The following C1QTNF3 variants were observed in gnomAD, a reference collection of about 807,000 sequenced individuals.
The protein encoded by C1QTNF3 is C1q and TNF related 3, also known as complement C1q tumor necrosis factor-related protein 3.
In C1QTNF3, 26 loss-of-function variants were observed where a neutral mutation model predicts 32.6. The ratio of observed to expected loss-of-function variants is 0.80; its 90% confidence interval spans 0.58 to 1.11. The LOEUF (loss-of-function observed/expected upper bound fraction) is 1.11. Among genes scored for constraint, C1QTNF3 ranks in the 50% least tolerant of loss-of-function variants. The pLI is 0.00. For synonymous variants in C1QTNF3, 155 were observed against 146.0 expected, an observed-to-expected ratio of 1.06 and a Z score of -0.44; for missense variants, 362 against 398.2, an observed-to-expected ratio of 0.91 and a Z score of 0.77.
intron 3 of C1QTNF3, 170 bp downstream of exon 3, chr5:34,033,134 G>T: frequency 1.5e-6 from 1 of 657,670 alleles, no homozygotes; most frequent in Non-Finnish European, 2.5e-6. Context: ...TCCTCCTTTT[G>T]GACAGTATGG....
In C1QTNF3 at chr5:34,042,865, G is replaced by C; in HGVS notation, c.261C>G (p.Pro87=). 2 of 1,614,126 alleles carry C rather than the reference G, an allele frequency of 1.2e-6. No individual in the cohort carries two copies. Among genetic ancestry groups the C allele is most frequent in the African/African-American group, 2.7e-5 (2 of 75,014 alleles). Residue 87 remains proline (P), a synonymous_variant, in exon 1 of 6, where the codon CCC becomes CCG. Coordinates refer to ENST00000382065, the MANE Select transcript of C1QTNF3 (RefSeq NM_181435.6). ...TGATCTGGGCTAGGTCATCTACCTC[G>C]GGGTGCGGTAGCTCATCTGGTCTCA... ...KSLRPDELPH[P]EVDDLAQITT... is the part of the protein sequence containing the mutation.
chr5:34,089,534 A>G, the C1QTNF3 span, among the ~76,000 whole-genome samples: 1 of 152,196 alleles, frequency 6.6e-6, no homozygotes. Context: ...CTACAAGGAA[A>G]AAGCCCCTCA....
At chr5:34,213,792 T>TATATATATAC in the C1QTNF3 span, among the ~76,000 whole-genome samples, 18 of 5,542 alleles carry the variant, frequency 3.2e-3, no homozygotes, top group African/African-American at 5.2e-3. Context: ...TATACATATA[T>TATATATATAC]ATATATATAT....
upstream of C1QTNF3, among the ~76,000 whole-genome samples, chr5:34,045,199 G>A (rs183784965): frequency 1.1e-3 from 161 of 152,338 alleles, 1 homozygote; most frequent in African/African-American, 3.6e-3. Context: ...GGGCCATACT[G>A]CTAAGTAACT....
At chr5:34,136,604 G>A in the C1QTNF3 span, among the ~76,000 whole-genome samples, 876 of 96,418 alleles carry the variant, frequency 9.1e-3, no homozygotes, top group Middle Eastern at 0.029. Context: ...TGCCTCAAGA[G>A]TCTAGAACTA....
intron 4 of C1QTNF3, among the ~76,000 whole-genome samples, chr5:34,028,308 A>T (rs144774775): frequency 6.6e-6 from 1 of 152,142 alleles, no homozygotes; most frequent in Non-Finnish European, 1.5e-5. Flanking sequence ...TACCTGCTCA[A>T]TTTCTTTTAA....
the C1QTNF3 span, among the ~76,000 whole-genome samples, chr5:34,054,326 G>A: frequency 2.6e-5 from 4 of 152,204 alleles, no homozygotes; most frequent in Admixed American, 1.3e-4. Flanking sequence ...CGTGAAAGAT[G>A]AGATAAACAC....
chr5:34,147,906 C>T, the C1QTNF3 span, among the ~76,000 whole-genome samples: 7 of 152,266 alleles, frequency 4.6e-5, no homozygotes, highest in East Asian at 1.2e-3. Flanking sequence ...GCGTGAGCGA[C>T]GCAGAAGACG....
At chr5:34,060,645 T>TA in the C1QTNF3 span, among the ~76,000 whole-genome samples, 6 of 152,282 alleles carry the variant, frequency 3.9e-5, no homozygotes, top group East Asian at 1.2e-3. Flanking sequence ...AGACACATCT[T>TA]ACATGGATGG....
the C1QTNF3 span, chr5:34,158,480 C>T: frequency 7.2e-5 from 11 of 152,244 alleles, no homozygotes; most frequent in Non-Finnish European, 1.5e-4. Flanking sequence ...TACAAACATA[C>T]AAACCTTGCC....
chr5:34,061,961 A>G, the C1QTNF3 span, among the ~76,000 whole-genome samples: 2 of 152,198 alleles, frequency 1.3e-5, no homozygotes, highest in African/African-American at 2.4e-5. Context: ...GTCAGGCTGT[A>G]AATTTTCCAA....
chr5:34,093,701 A>G, the C1QTNF3 span, among the ~76,000 whole-genome samples: 2 of 149,208 alleles, frequency 1.3e-5, no homozygotes, highest in Non-Finnish European at 3.0e-5. Context: ...CCTAGTTTAT[A>G]TATACCTACC....
chr5:34,023,867 A>G (rs764585951), intron 5 of C1QTNF3, 42 bp downstream of exon 5: 2 of 1,511,268 alleles, frequency 1.3e-6, no homozygotes, highest in East Asian at 4.5e-5. Flanking sequence ...TGAACAAACA[A>G]TGGCAGCATG....
At chr5:34,048,326 G>A in the C1QTNF3 span, among the ~76,000 whole-genome samples, 4 of 148,248 alleles carry the variant, frequency 2.7e-5, no homozygotes, top group African/African-American at 7.5e-5. Context: ...GAGATAACTT[G>A]TTGGATAATG....
At chr5:34,091,459 T>C in the C1QTNF3 span, among the ~76,000 whole-genome samples, 5 of 152,244 alleles carry the variant, frequency 3.3e-5, no homozygotes, top group African/African-American at 1.2e-4. Context: ...TCTTCTTTCA[T>C]TTTGTTTGTT....
Position 34,029,042 on chromosome 5 carries a change from T to C in C1QTNF3, c.571-159A>G, listed in dbSNP as rs1754546898. 11 of 526,230 alleles carry C rather than the reference T, an allele frequency of 2.1e-5. No individual in the cohort carries two copies. In the East Asian group the frequency reaches 3.2e-4, roughly 15 times the overall value. The allele number at this position is 526,230 out of a possible 1,614,324, so 32.6% of individuals were successfully genotyped here. A position where few individuals can be genotyped will look rare whatever the true frequency, so the allele number is the denominator to read the frequency against. ...AAATAAATTATGGTAATTCCAACAT[T>C]TGAATGCTATGCAGCCATTAGATTG... is the stretch of plus-strand genomic sequence containing the variant. On this transcript the variant is annotated intron_variant, in intron 3 of 5. Transcript: ENST00000382065.
At chr5:34,082,699 T>C in the C1QTNF3 span, among the ~76,000 whole-genome samples, 73 of 151,858 alleles carry the variant, frequency 4.8e-4, 2 homozygotes, top group East Asian at 9.3e-3. Context: ...ATTAATAACC[T>C]GCGTCTGAAA....
the C1QTNF3 span, among the ~76,000 whole-genome samples, chr5:34,235,987 A>C: frequency 6.6e-6 from 1 of 152,182 alleles, no homozygotes; most frequent in African/African-American, 2.4e-5. Flanking sequence ...TAGGCTACTA[A>C]GGTATTTAAT....
At chr5:34,144,185 A>G in the C1QTNF3 span, among the ~76,000 whole-genome samples, 2 of 152,220 alleles carry the variant, frequency 1.3e-5, no homozygotes, top group Non-Finnish European at 2.9e-5. Flanking sequence ...TTACGTAATG[A>G]TAAAGGATAC....
Sources: gnomAD v4.1 joint callset for allele counts (sites outside exome capture counted in the v4.1 genomes callset) on GRCh38, gnomAD v4.1.1 for gene constraint, MANE v1.5 for transcripts, NCBI Gene and HGNC (gene_info 2026-07-23, HGNC 2026-07-21) for gene names.